SLC4A5: variants seen among roughly 807,000 people sequenced by gnomAD.
SLC4A5 encodes solute carrier family 4 member 5, also known as electrogenic sodium bicarbonate cotransporter 4.
A neutral mutation model predicts 120.4 loss-of-function variants in SLC4A5; 96 were observed. The observed-to-expected ratio is 0.80, with a 90% CI of 0.68 to 0.94. The LOEUF (loss-of-function observed/expected upper bound fraction) is 0.94, where lower values mean the gene tolerates loss of function less well. SLC4A5 is among the 40% of genes least tolerant of loss of function. The pLI is 0.00. For missense variants in SLC4A5, 1,259 were observed against 1,459.5 expected (o/e 0.86, Z 2.24); for synonymous variants, 550 against 571.1 (o/e 0.96, Z 0.53).
intron 7 of SLC4A5, chr2:74,290,741 C>T: frequency 5.1e-6 from 5 of 985,932 alleles, no homozygotes; most frequent in African/African-American, 1.7e-5. Context: ...AGCAGAACCT[C>T]AAGCAGGAAG....
At chr2:74,321,867 C>G (rs1391507906) in intron 5 of SLC4A5, among the ~76,000 whole-genome samples, 1 of 151,900 alleles carries the variant, frequency 6.6e-6, no homozygotes, top group African/African-American at 2.4e-5. Context: ...CTTAGCCAGT[C>G]ACTGAGTTTA....
At chr2:74,275,330 C>A (rs1049851964) in intron 8 of SLC4A5, among the ~76,000 whole-genome samples, 2 of 152,236 alleles carry the variant, frequency 1.3e-5, no homozygotes, top group African/African-American at 4.8e-5. Context: ...AAGTGAATGT[C>A]ATCAGACAAA....
chr2:74,227,032 G>A (rs762510448), exon 27 of SLC4A5: 7 of 1,614,104 alleles, frequency 4.3e-6, no homozygotes, highest in South Asian at 1.1e-5. Context: ...TCTGCACCAG[G>A]GTGAAGAGGT....
intron 6 of SLC4A5, among the ~76,000 whole-genome samples, chr2:74,312,792 G>C (rs1389832480): frequency 6.6e-6 from 1 of 152,044 alleles, no homozygotes; most frequent in Admixed American, 6.5e-5. Context: ...AAATAAACCA[G>C]CGTGGTGGTG....
exon 30 of SLC4A5, chr2:74,221,463 A>G (rs1431758091): frequency 1.2e-6 from 2 of 1,613,924 alleles, no homozygotes; most frequent in African/African-American, 1.3e-5. Flanking sequence ...CACTGAAGGA[A>G]GAATCAGAGT....
chr2:74,302,485 T>C (rs1455095016), intron 7 of SLC4A5, among the ~76,000 whole-genome samples: 1 of 152,016 alleles, frequency 6.6e-6, no homozygotes, highest in East Asian at 1.9e-4. Context: ...GGCGTGGTGG[T>C]ACGTGCCTGT....
chr2:74,321,840 A>T (rs1231015113), intron 5 of SLC4A5, among the ~76,000 whole-genome samples: 1 of 151,594 alleles, frequency 6.6e-6, no homozygotes, highest in Non-Finnish European at 1.5e-5. Context: ...TAAACCATTC[A>T]CGGTATTCTG....
rs546798154 is a variant in SLC4A5, at chr2:74,250,504, G to C, written c.1492C>G (p.Leu498Val). 4 of 1,614,222 alleles carry C rather than the reference G, an allele frequency of 2.5e-6. No individual in the cohort carries two copies. The African/African-American group carries it at 5.3e-5, about 22-fold the overall frequency. ...AACTTCCTCTTGATATCCAGACACAGGCCACCGAAGAACCTGCTCAAGACA... is the reference window on the plus strand; with the variant it reads ...AACTTCCTCTTGATATCCAGACACACGCCACCGAAGAACCTGCTCAAGACA... The change falls in exon 17 of 31, where the codon CTG becomes GTG. Residue 498 changes from leucine (L) to valine (V), a missense_variant. Transcript: ENST00000394019.
chr2:74,250,204 T>C (rs1173019157), intron 17 of SLC4A5, 139 bp downstream of exon 17: 1 of 723,550 alleles, frequency 1.4e-6, no homozygotes, highest in African/African-American at 1.8e-5. Context: ...ACTTGAAGCG[T>C]AAAGGATTAC....
intron 12 of SLC4A5, among the ~76,000 whole-genome samples, chr2:74,258,888 C>T (rs555545361): frequency 6.6e-6 from 1 of 152,356 alleles, no homozygotes; most frequent in African/African-American, 2.4e-5. Context: ...GTCACCCAAG[C>T]TCCTGAAGGC....
At chr2:74,263,064 A>G (rs914709890) in intron 10 of SLC4A5, among the ~76,000 whole-genome samples, 9 of 152,140 alleles carry the variant, frequency 5.9e-5, no homozygotes, top group African/African-American at 2.2e-4. Flanking sequence ...TTTTGAGACA[A>G]GGACTTGCTC....
chr2:74,304,379 C>G, intron 7 of SLC4A5, 110 bp downstream of exon 7: 1 of 1,147,532 alleles, frequency 8.7e-7, no homozygotes, highest in Non-Finnish European at 1.2e-6. Flanking sequence ...TTAGGCTGAG[C>G]CATGTGGAGC....
chr2:74,234,726 C>T (rs1670215810), intron 22 of SLC4A5, among the ~76,000 whole-genome samples: 1 of 152,178 alleles, frequency 6.6e-6, no homozygotes, highest in African/African-American at 2.4e-5. Flanking sequence ...CTGAGGACCA[C>T]ACTTTGAGAA....
intron 7 of SLC4A5, among the ~76,000 whole-genome samples, chr2:74,300,159 G>A (rs938564811): frequency 2.0e-5 from 3 of 152,238 alleles, no homozygotes; most frequent in African/African-American, 7.2e-5. Flanking sequence ...ATCTGAAAAA[G>A]TTGAACTCAT....
intron 2 of SLC4A5, among the ~76,000 whole-genome samples, chr2:74,341,304 C>CAAAAAAAA (rs757430815): frequency 2.7e-5 from 2 of 74,332 alleles, no homozygotes. Context: ...GACTCCATCT[C>CAAAAAAAA]AAAAAAAAAA....
chr2:74,284,430 T>C (rs1354590506), intron 8 of SLC4A5, among the ~76,000 whole-genome samples: 1 of 73,442 alleles, frequency 1.4e-5, no homozygotes, highest in Non-Finnish European at 2.2e-5. Flanking sequence ...TCCACCCGCC[T>C]CGGCCTCCCA....
Position 74,256,082 on chromosome 2 carries a change from T to C in SLC4A5, c.868-150A>G, listed in dbSNP as rs529946261. 1.9e-5 allele frequency: 16 copies of C among 858,520 alleles called. No individual in the cohort carries two copies. The East Asian group carries it at 4.0e-4, about 22-fold the overall frequency. The allele number at this position is 858,520 out of a possible 1,614,324, so 53.2% of individuals were successfully genotyped here. A position where few individuals can be genotyped will look rare whatever the true frequency, so the allele number is the denominator to read the frequency against. On this transcript the variant is annotated intron_variant, in intron 12 of 30. Coordinates refer to ENST00000394019, the Ensembl canonical transcript of SLC4A5. ...AAGAATAAATAAGTACTCCTCCGAT[T>C]CTGCAGATGGGGAGACTGAATGTAG...
intron 7 of SLC4A5, among the ~76,000 whole-genome samples, chr2:74,297,300 A>G (rs964359246): frequency 4.6e-5 from 7 of 152,168 alleles, no homozygotes; most frequent in African/African-American, 1.7e-4. Flanking sequence ...TCTAATATCT[A>G]TTTATCTCTC....
At chr2:74,236,009 C>T (rs1228623629) in intron 21 of SLC4A5, among the ~76,000 whole-genome samples, 1 of 152,196 alleles carries the variant, frequency 6.6e-6, no homozygotes, top group Non-Finnish European at 1.5e-5. Flanking sequence ...TTCCCTGCAT[C>T]CCCCTTTTCT....
Sources: gnomAD v4.1 joint callset for allele counts (sites outside exome capture counted in the v4.1 genomes callset) on GRCh38, gnomAD v4.1.1 for gene constraint, MANE v1.5 for transcripts, NCBI Gene and HGNC (gene_info 2026-07-23, HGNC 2026-07-21) for gene names.